The following GOSR1 variants were observed in gnomAD, a reference collection of about 807,000 sequenced individuals.
GOSR1 encodes 28 kDa Golgi SNARE protein.
A neutral mutation model predicts 35.5 loss-of-function variants in GOSR1; 21 were observed. The ratio of observed to expected loss-of-function variants is 0.59; its 90% CI spans 0.42 to 0.85. The LOEUF (loss-of-function observed/expected upper bound fraction) is 0.85. GOSR1 is among the 40% of genes least tolerant of loss of function. The pLI, the probability that GOSR1 is intolerant of heterozygous loss-of-function variation, is 0.00. For synonymous variants in GOSR1, 94 were observed against 106.6 expected (o/e 0.88, Z 0.73); for missense variants, 285 against 309.6 (o/e 0.92, Z 0.60).
chr17:30,486,663 C>G (rs1187718328), intron 4 of GOSR1, among the ~76,000 whole-genome samples: 1 of 151,962 alleles, frequency 6.6e-6, no homozygotes, highest in Non-Finnish European at 1.5e-5. Context: ...GATGGTAGAT[C>G]ACAAAATGAA....
At chr17:30,484,104 ACATAATC>A (rs1914522749) in intron 2 of GOSR1, 103 bp from the exon 3 acceptor site, 1 of 695,674 alleles carries the variant, frequency 1.4e-6, no homozygotes, top group African/African-American at 1.8e-5. Flanking sequence ...ACCCTATATA[ACATAATC>A]CATAATTCAT....
chr17:30,513,388 A>G (rs1261216413), intron 7 of GOSR1, among the ~76,000 whole-genome samples: 1 of 152,208 alleles, frequency 6.6e-6, no homozygotes, highest in East Asian at 1.9e-4. Flanking sequence ...TGTATTATTT[A>G]GAGCTTATAT....
In GOSR1 at chr17:30,523,029, C is replaced by G. The variant is rs1041090853; in HGVS notation, c.*651C>G. On this transcript the variant is annotated 3_prime_UTR_variant, in exon 9 of 9. Transcript: ENST00000451249. ...GATTGCAGACGGAGTCTCGTTCACT[C>G]AGTGCTCAATGGTGCCCAGGCTGGA... is the stretch of plus-strand genomic sequence containing the variant. 1.0e-5 allele frequency: 2 copies of G among 199,204 alleles called. No individual in the cohort carries two copies. Among genetic ancestry groups the G allele is most frequent in the African/African-American group, 4.8e-5 (2 of 41,930 alleles). The allele number at this position is 199,204 out of a possible 1,614,324, so 12.3% of individuals were successfully genotyped here. A position where few individuals can be genotyped will look rare whatever the true frequency, so the allele number is the denominator to read the frequency against.
intron 6 of GOSR1, among the ~76,000 whole-genome samples, chr17:30,496,215 T>G (rs1227130936): frequency 6.6e-6 from 1 of 152,192 alleles, no homozygotes; most frequent in Non-Finnish European, 1.5e-5. Context: ...TGTAAGTATT[T>G]GACTCTTCAG....
intron 6 of GOSR1, among the ~76,000 whole-genome samples, chr17:30,505,735 G>A (rs1215465055): frequency 6.6e-6 from 1 of 151,978 alleles, no homozygotes; most frequent in Non-Finnish European, 1.5e-5. Flanking sequence ...GGGTTTTTTT[G>A]TTTTGTTTTG....
chr17:30,494,535 C>G (rs1966920171), intron 6 of GOSR1, among the ~76,000 whole-genome samples: 1 of 152,026 alleles, frequency 6.6e-6, no homozygotes, highest in African/African-American at 2.4e-5. Context: ...TGATATTTTT[C>G]TTCTTGAAAA....
chr17:30,493,870 G>C (rs1966893445), intron 6 of GOSR1, among the ~76,000 whole-genome samples: 1 of 151,786 alleles, frequency 6.6e-6, no homozygotes, highest in Non-Finnish European at 1.5e-5. Context: ...TTGGCCTTTT[G>C]GGTTATGTTC....
chr17:30,504,985 T>C (rs140479940), intron 6 of GOSR1, among the ~76,000 whole-genome samples: 142 of 152,384 alleles, frequency 9.3e-4, no homozygotes, highest in Non-Finnish European at 1.7e-3. Context: ...TTGTGTGAAG[T>C]GCTTGGCTTT....
chr17:30,509,404 C>T (rs1370844390), intron 6 of GOSR1, among the ~76,000 whole-genome samples: 3 of 152,206 alleles, frequency 2.0e-5, no homozygotes, highest in African/African-American at 7.2e-5. Flanking sequence ...CCACAGCACC[C>T]GGCCGGTATT....
chr17:30,489,551 T>G (rs563465226), intron 4 of GOSR1, among the ~76,000 whole-genome samples: 105 of 152,318 alleles, frequency 6.9e-4, no homozygotes, highest in African/African-American at 2.5e-3. Context: ...TTTTAAAAGG[T>G]CAACAGGGAC....
At chr17:30,509,369 A>G (rs1967532626) in intron 6 of GOSR1, among the ~76,000 whole-genome samples, 1 of 152,202 alleles carries the variant, frequency 6.6e-6, no homozygotes, top group South Asian at 2.1e-4. Context: ...TTGGCCTCCC[A>G]AAGTGCTGGG....
Position 30,523,064 on chromosome 17 carries a change from C to G in GOSR1, c.*686C>G. On this transcript the variant is annotated 3_prime_UTR_variant, in exon 9 of 9. Coordinates refer to ENST00000451249, the MANE Select transcript of GOSR1 (RefSeq NM_001007025.2). ...TGGTGCCCAGGCTGGAGTGCAGTGG[C>G]GTGATCTCGGCTCACTACAACCTCC... The G allele has an allele frequency of 5.6e-6, 1 of 178,518 alleles. No individual in the cohort carries two copies. The highest frequency in any genetic ancestry group is 1.2e-5 in the Non-Finnish European group (1 of 84,556). 11.1% of individuals were successfully genotyped at this position (178,518 alleles called of 1,614,324 possible). A position where few individuals can be genotyped will look rare whatever the true frequency, so the allele number is the denominator to read the frequency against.
chr17:30,514,216 C>T (rs1204201622), intron 7 of GOSR1, among the ~76,000 whole-genome samples: 1 of 152,142 alleles, frequency 6.6e-6, no homozygotes, highest in Non-Finnish European at 1.5e-5. Context: ...TGGTTGACAT[C>T]GCTCCCTCCT....
intron 2 of GOSR1, among the ~76,000 whole-genome samples, chr17:30,482,668 C>T (rs1474545809): frequency 1.3e-5 from 2 of 152,162 alleles, no homozygotes; most frequent in African/African-American, 2.4e-5. Flanking sequence ...AAGCTGATTT[C>T]AACACTATAG....
intron 6 of GOSR1, chr17:30,495,457 A>G: frequency 2.2e-6 from 1 of 456,002 alleles, no homozygotes; most frequent in Non-Finnish European, 4.4e-6. Flanking sequence ...AACTTGAATA[A>G]GGAGATAACT....
intron 7 of GOSR1, among the ~76,000 whole-genome samples, chr17:30,512,610 A>C (rs923451481): frequency 3.3e-5 from 5 of 152,092 alleles, no homozygotes; most frequent in Non-Finnish European, 7.4e-5. Context: ...ATTTTTGTTT[A>C]AATTGTATGT....
chr17:30,510,190 C>T (rs935049151), intron 6 of GOSR1, among the ~76,000 whole-genome samples: 6 of 152,054 alleles, frequency 3.9e-5, no homozygotes, highest in Admixed American at 3.9e-4. Context: ...TCTCGTGCCT[C>T]AGCCTGCCGA....
At chr17:30,520,617 C>T (rs1290058751) in intron 8 of GOSR1, among the ~76,000 whole-genome samples, 1 of 152,204 alleles carries the variant, frequency 6.6e-6, no homozygotes, top group African/African-American at 2.4e-5. Flanking sequence ...CCAGAAAAGC[C>T]TGGCACTCTG....
At position 30,523,139 on chromosome 17, in the gene GOSR1, C is replaced by G. The variant is rs1253231992; in HGVS notation, c.*761C>G. The G allele has an allele frequency of 5.2e-6, 1 of 190,500 alleles. No individual in the cohort carries two copies. The highest frequency in any genetic ancestry group is 1.1e-5 in the Non-Finnish European group (1 of 93,644). 11.8% of individuals were successfully genotyped at this position (190,500 alleles called of 1,614,324 possible). A position where few individuals can be genotyped will look rare whatever the true frequency, so the allele number is the denominator to read the frequency against. On this transcript the variant is annotated 3_prime_UTR_variant, in exon 9 of 9. Coordinates refer to ENST00000451249, the MANE Select transcript of GOSR1 (RefSeq NM_001007025.2). ...TCCCAAAGTGCCGAGATTGCAGCCT[C>G]TGCCCGGCCGCCACCCCGTCTGGAA...
Sources: gnomAD v4.1 joint callset for allele counts (sites outside exome capture counted in the v4.1 genomes callset) on GRCh38, gnomAD v4.1.1 for gene constraint, MANE v1.5 for transcripts, NCBI Gene and HGNC (gene_info 2026-07-23, HGNC 2026-07-21) for gene names.